Variants in CRCP observed in about 807,000 individuals in gnomAD.
CRCP encodes CGRP receptor component.
CRCP carries 18 observed loss-of-function variants against 18.5 expected under a neutral mutation model. The ratio of observed to expected loss-of-function variants is 0.97; its 90% CI spans 0.67 to 1.44. The LOEUF (loss-of-function observed/expected upper bound fraction) is 1.44. Ranked by LOEUF, CRCP falls within the 40% of genes most tolerant of loss-of-function variation. The pLI is 0.00. For missense variants in CRCP, 130 were observed against 176.4 expected, an observed-to-expected ratio of 0.74 and a Z score of 1.49; for synonymous variants, 53 against 62.9, an observed-to-expected ratio of 0.84 and a Z score of 0.75.
At chr7:66,145,286 C>T (rs772596661) in intron 4 of CRCP, among the ~76,000 whole-genome samples, 157 bp from the exon 5 acceptor site, 1 of 152,242 alleles carries the variant, frequency 6.6e-6, no homozygotes, top group Admixed American at 6.5e-5. Flanking sequence ...CATACACGCT[C>T]CTGTTCCCAT....
intron 1 of CRCP, among the ~76,000 whole-genome samples, chr7:66,116,962 A>T (rs1192347916): frequency 1.3e-5 from 2 of 152,076 alleles, no homozygotes; most frequent in Admixed American, 6.6e-5. Flanking sequence ...CTCTACTAAA[A>T]ATACAAAAAT....
intron 1 of CRCP, among the ~76,000 whole-genome samples, chr7:66,119,154 T>A (rs191820711): frequency 1.0e-3 from 153 of 152,278 alleles, no homozygotes; most frequent in African/African-American, 3.6e-3. Context: ...TAGATCACAC[T>A]CTCTGTCCAG....
chr7:66,121,197 A>G (rs990561502), intron 1 of CRCP, among the ~76,000 whole-genome samples: 1 of 151,162 alleles, frequency 6.6e-6, no homozygotes, highest in Non-Finnish European at 1.5e-5. Flanking sequence ...GCCTGAGCCT[A>G]CTGGGTAGCT....
chr7:66,144,573 C>T (rs914465404), intron 4 of CRCP, among the ~76,000 whole-genome samples: 3 of 152,148 alleles, frequency 2.0e-5, no homozygotes, highest in African/African-American at 4.8e-5. Flanking sequence ...CCTGCCTCAC[C>T]TCCTTGTCCT....
chr7:66,124,337 G>C (rs1221172937), intron 1 of CRCP, among the ~76,000 whole-genome samples: 2 of 151,988 alleles, frequency 1.3e-5, no homozygotes, highest in African/African-American at 4.8e-5. Context: ...TCCAGCCTGG[G>C]AGACAGAGCG....
Position 66,152,235 on chromosome 7 carries a change from A to G in CRCP, c.325A>G (p.Thr109Ala), listed in dbSNP as rs1348934074. 2 of 1,614,076 alleles carry G rather than the reference A, an allele frequency of 1.2e-6. No individual in the cohort carries two copies. The highest frequency in any genetic ancestry group is 1.1e-5 in the South Asian group (1 of 91,078). The change falls in exon 6 of 6, where the codon ACG (threonine) becomes GCG (alanine). Residue 109 changes from threonine (T) to alanine (A), a missense_variant. Physicochemically the swap from Thr to Ala is moderately conservative, Grantham distance 58. Coordinates refer to ENST00000395326, the MANE Select transcript of CRCP (RefSeq NM_014478.5). ...LMVEESEERL[T>A]EEQIEALLHT... ...GGTGGAAGAGAGTGAAGAGCGGCTC[A>G]CGGAGGAGCAGATTGAAGCTCTTCT...
chr7:66,123,100 G>T (rs1454758590), intron 1 of CRCP, among the ~76,000 whole-genome samples: 1 of 151,124 alleles, frequency 6.6e-6, no homozygotes, highest in Admixed American at 6.6e-5. Context: ...GATTACAGGC[G>T]CCCGCCACTA....
chr7:66,152,503 T>A lies in CRCP; in HGVS notation c.*146T>A. ...AGTTGGGTACATCACAAAAATAAGT[T>A]AAAAAGAAATATTTGTGCCTTGGGG... On this transcript the variant is annotated 3_prime_UTR_variant, in exon 6 of 6. Coordinates refer to ENST00000395326, the MANE Select transcript of CRCP (RefSeq NM_014478.5). The A allele has an allele frequency of 1.2e-6, 1 of 822,414 alleles. No individual in the cohort carries two copies. The allele number at this position is 822,414 out of a possible 1,614,324, so 50.9% of individuals were successfully genotyped here.
At chr7:66,143,377 C>T (rs1486095550) in intron 4 of CRCP, among the ~76,000 whole-genome samples, 1 of 152,172 alleles carries the variant, frequency 6.6e-6, no homozygotes, top group Admixed American at 6.6e-5. Flanking sequence ...AGGGCCCTTT[C>T]GATCTTGTCC....
intron 5 of CRCP, among the ~76,000 whole-genome samples, chr7:66,149,007 G>A (rs889902876): frequency 1.5e-4 from 23 of 152,326 alleles, no homozygotes; most frequent in African/African-American, 4.8e-4. Context: ...TAGGTTTGGC[G>A]ACTTCAAGTT....
rs142181481 is a variant in CRCP, at chr7:66,119,911, C to G, written c.8+4941C>G. Among the ~76,000 whole-genome samples the G allele has an allele frequency of 5.6e-3, 844 of 152,000 alleles. 6 individuals carry two copies. The highest frequency in any genetic ancestry group is 0.019 in the African/African-American group (801 of 41,476). ...TTTCTTAAAATTTTTTTTTGCAGCCCGGTGCTCATGCCTGTAATCCCAGCA... is the reference window on the plus strand; with the variant it reads ...TTTCTTAAAATTTTTTTTTGCAGCCGGGTGCTCATGCCTGTAATCCCAGCA... On this transcript the variant is annotated intron_variant, in intron 1 of 5. Coordinates refer to ENST00000395326, the MANE Select transcript of CRCP (RefSeq NM_014478.5).
intron 4 of CRCP, among the ~76,000 whole-genome samples, chr7:66,139,372 T>C (rs1404974806): frequency 1.3e-5 from 2 of 152,246 alleles, no homozygotes; most frequent in Non-Finnish European, 1.5e-5. Context: ...GAACTTGTAT[T>C]ATTCCATTCA....
chr7:66,127,802 A>G (rs1266391571), intron 2 of CRCP, 62 bp downstream of exon 2: 6 of 1,574,178 alleles, frequency 3.8e-6, no homozygotes, highest in East Asian at 4.5e-5. Context: ...AGATTGTTAA[A>G]TTGATTTTGG....
intron 5 of CRCP, among the ~76,000 whole-genome samples, chr7:66,151,901 T>G (rs1321543382): frequency 6.6e-6 from 1 of 151,768 alleles, no homozygotes; most frequent in Non-Finnish European, 1.5e-5. Flanking sequence ...GGTTGATTTT[T>G]TTTGTTTGTT....
chr7:66,137,480 T>A (rs1788005176), intron 4 of CRCP, among the ~76,000 whole-genome samples: 1 of 152,202 alleles, frequency 6.6e-6, no homozygotes, highest in African/African-American at 2.4e-5. Context: ...GCCTCCAGGA[T>A]GATGTTGAGT....
intron 1 of CRCP, among the ~76,000 whole-genome samples, chr7:66,122,536 T>C (rs529081958): frequency 2.6e-5 from 4 of 152,166 alleles, no homozygotes; most frequent in Non-Finnish European, 5.9e-5. Context: ...TTAAGCAAAT[T>C]TTACAAGAAG....
chr7:66,132,922 T>A (rs1787853031), intron 3 of CRCP, among the ~76,000 whole-genome samples: 1 of 150,418 alleles, frequency 6.6e-6, no homozygotes, highest in South Asian at 2.1e-4. Context: ...AATAAATAAA[T>A]AAATAAATAA....
intron 4 of CRCP, among the ~76,000 whole-genome samples, chr7:66,137,077 CA>C (rs1009843176): frequency 3.4e-5 from 5 of 145,378 alleles, no homozygotes; most frequent in African/African-American, 5.1e-5. Flanking sequence ...GAGACTGTCT[CA>C]AAAAAAAATT....
chr7:66,133,468 G>A (rs575996599), intron 3 of CRCP, among the ~76,000 whole-genome samples: 5 of 148,916 alleles, frequency 3.4e-5, no homozygotes, highest in East Asian at 2.0e-4. Flanking sequence ...AGATCGTGCC[G>A]CTGCACTCCA....
Sources: allele counts gnomAD v4.1 joint callset (sites outside exome capture counted in the v4.1 genomes callset), GRCh38; gene constraint gnomAD v4.1.1; transcripts MANE v1.5; gene names NCBI Gene and HGNC (gene_info 2026-07-23, HGNC 2026-07-21).